ADGRL3: variants seen among roughly 807,000 people sequenced by gnomAD.
ADGRL3 encodes the protein calcium-independent alpha-latrotoxin receptor 3.
Under a neutral mutation model 153.5 loss-of-function variants are expected in ADGRL3, and 62 were observed. That is an observed-to-expected ratio of 0.40 (90% CI 0.33 to 0.50). The LOEUF (loss-of-function observed/expected upper bound fraction) is 0.50. Ranked by LOEUF, ADGRL3 falls within the 20% of genes least tolerant of loss-of-function variation. ADGRL3 has a pLI of 0.47. For synonymous variants in ADGRL3, 710 were observed against 672.5 expected, an observed-to-expected ratio of 1.06 and a Z score of -0.86; for missense variants, 1,641 against 1,859.4, an observed-to-expected ratio of 0.88 and a Z score of 2.16.
chr4:61,685,104 A>ACAG (rs920072418), intron 6 of ADGRL3, among the ~76,000 whole-genome samples: 1 of 151,898 alleles, frequency 6.6e-6, no homozygotes, highest in African/African-American at 2.4e-5. Context: ...TTTAGTAGAG[A>ACAG]CAGGGGTCTC....
At chr4:61,691,877 A>G (rs552540741) in intron 6 of ADGRL3, among the ~76,000 whole-genome samples, 4 of 152,136 alleles carry the variant, frequency 2.6e-5, no homozygotes, top group African/African-American at 9.7e-5. Flanking sequence ...ATCTAATTTT[A>G]TATTAGTGAT....
At chr4:61,517,917 T>C (rs1419842219) in intron 4 of ADGRL3, among the ~76,000 whole-genome samples, 1 of 152,194 alleles carries the variant, frequency 6.6e-6, no homozygotes, top group East Asian at 1.9e-4. Context: ...ATCAAGATTT[T>C]GAAAAGATTA....
chr4:61,901,881 A>G (rs2098666521), intron 11 of ADGRL3, among the ~76,000 whole-genome samples: 1 of 152,162 alleles, frequency 6.6e-6, no homozygotes, highest in Admixed American at 6.5e-5. Flanking sequence ...ATCCTCACAA[A>G]ACTCATAACA....
intron 1 of ADGRL3, among the ~76,000 whole-genome samples, chr4:61,350,065 A>G (rs1432290912): frequency 6.6e-6 from 1 of 152,150 alleles, no homozygotes; most frequent in Non-Finnish European, 1.5e-5. Context: ...AATTTCCCAA[A>G]TATATATTGA....
chr4:61,537,042 A>G (rs9994628), intron 4 of ADGRL3, among the ~76,000 whole-genome samples: 28,020 of 151,710 alleles, frequency 0.18, 3,137 homozygotes, highest in Admixed American at 0.29. Flanking sequence ...CACGTTTAGA[A>G]CTCCTTTGAG....
intron 21 of ADGRL3, among the ~76,000 whole-genome samples, chr4:62,002,128 C>T (rs2099142556): frequency 6.6e-6 from 1 of 151,752 alleles, no homozygotes; most frequent in South Asian, 2.1e-4. Context: ...CCTGCCTTCA[C>T]TGGCTAGAGA....
intron 21 of ADGRL3, among the ~76,000 whole-genome samples, chr4:62,002,023 C>T (rs56788279): frequency 1.3e-5 from 2 of 152,016 alleles, no homozygotes; most frequent in African/African-American, 2.4e-5. Flanking sequence ...GTTTGCTTCT[C>T]ACCATATTCA....
intron 1 of ADGRL3, among the ~76,000 whole-genome samples, chr4:61,266,197 G>A (rs753398987): frequency 1.5e-4 from 22 of 151,666 alleles, no homozygotes; most frequent in Non-Finnish European, 5.9e-5. Context: ...CACCCTGAAC[G>A]ATTATATCCT....
At chr4:61,706,810 T>G (rs2095865607) in intron 6 of ADGRL3, among the ~76,000 whole-genome samples, 1 of 152,224 alleles carries the variant, frequency 6.6e-6, no homozygotes, top group Non-Finnish European at 1.5e-5. Flanking sequence ...TTAATATTCA[T>G]GTGTTCAATG....
At chr4:61,359,122 T>C (rs2096243520) in intron 1 of ADGRL3, among the ~76,000 whole-genome samples, 1 of 152,218 alleles carries the variant, frequency 6.6e-6, no homozygotes, top group Non-Finnish European at 1.5e-5. Flanking sequence ...AAGCAAATCC[T>C]ATGGCTTCTA....
At chr4:61,812,421 G>A (rs1426507585) in intron 8 of ADGRL3, among the ~76,000 whole-genome samples, 1 of 152,118 alleles carries the variant, frequency 6.6e-6, no homozygotes, top group Non-Finnish European at 1.5e-5. Flanking sequence ...ATTACAAGTC[G>A]AATATTACTT....
rs537051735 is a variant in ADGRL3, at chr4:61,296,823, C to T, written c.-239-86301C>T. 3.9e-5 allele frequency among the ~76,000 whole-genome samples: 6 copies of T among 152,212 alleles called. No individual in the cohort carries two copies. The East Asian group carries it at 9.6e-4, about 24-fold the overall frequency. On this transcript the variant is annotated intron_variant, in intron 1 of 26. Transcript: ENST00000683033. ...AAATTATATTTATAAAATATTACTT[C>T]GTGAAAGAAGCAATGCTCAAATATG...
intron 6 of ADGRL3, among the ~76,000 whole-genome samples, chr4:61,683,605 T>A (rs148913866): frequency 5.2e-4 from 79 of 152,216 alleles, no homozygotes; most frequent in African/African-American, 1.9e-3. Context: ...AAGGTGGGCA[T>A]GACAGTGTAG....
chr4:61,264,755 T>A (rs554007891), intron 1 of ADGRL3, among the ~76,000 whole-genome samples: 10 of 151,952 alleles, frequency 6.6e-5, no homozygotes, highest in Non-Finnish European at 1.5e-4. Flanking sequence ...CTGCTAGTAC[T>A]GGAATTCCAT....
intron 5 of ADGRL3, among the ~76,000 whole-genome samples, chr4:61,618,993 C>T (rs761333516): frequency 6.6e-6 from 1 of 152,164 alleles, no homozygotes; most frequent in Non-Finnish European, 1.5e-5. Context: ...ACTGGGATTA[C>T]AGGCATGAGC....
chr4:61,209,406 G>T (rs1426481138), intron 1 of ADGRL3, among the ~76,000 whole-genome samples: 1 of 152,112 alleles, frequency 6.6e-6, no homozygotes, highest in African/African-American at 2.4e-5. Context: ...CTGGTGGAGT[G>T]AATACTTCAT....
At chr4:61,404,766 G>A (rs2096972742) in intron 2 of ADGRL3, among the ~76,000 whole-genome samples, 1 of 151,984 alleles carries the variant, frequency 6.6e-6, no homozygotes, top group Non-Finnish European at 1.5e-5. Context: ...TAATCAAGAA[G>A]GCAAATCCAT....
At chr4:61,896,688 A>C (rs2098633573) in intron 11 of ADGRL3, among the ~76,000 whole-genome samples, 1 of 152,158 alleles carries the variant, frequency 6.6e-6, no homozygotes, top group Non-Finnish European at 1.5e-5. Context: ...TTTACCCTAA[A>C]TCATGGAAGA....
chr4:61,680,713 G>A (rs897855257), intron 6 of ADGRL3, among the ~76,000 whole-genome samples: 1 of 151,920 alleles, frequency 6.6e-6, no homozygotes, highest in Non-Finnish European at 1.5e-5. Context: ...CAAATGGTAC[G>A]ACTTTTAAAG....
Sources: allele counts gnomAD v4.1 joint callset (sites outside exome capture counted in the v4.1 genomes callset), GRCh38; gene constraint gnomAD v4.1.1; transcripts MANE v1.5; gene names NCBI Gene and HGNC (gene_info 2026-07-23, HGNC 2026-07-21).